The following FKBP5 variants were observed in gnomAD, a reference collection of about 807,000 sequenced individuals.
FKBP5 encodes FKBP prolyl isomerase 5.
Under a neutral mutation model 50.5 loss-of-function variants are expected in FKBP5, and 23 were observed. That is an observed-to-expected ratio of 0.46 (90% CI 0.33 to 0.65). The LOEUF (loss-of-function observed/expected upper bound fraction) is 0.65. FKBP5 is among the 30% of genes least tolerant of loss of function. The pLI, the probability that FKBP5 is intolerant of heterozygous loss-of-function variation, is 0.02. For missense variants in FKBP5, 411 were observed against 553.1 expected, an observed-to-expected ratio of 0.74 and a Z score of 2.58; for synonymous variants, 176 against 190.6, an observed-to-expected ratio of 0.92 and a Z score of 0.63.
intron 1 of FKBP5, among the ~76,000 whole-genome samples, chr6:35,664,299 T>A (rs1765156063): frequency 6.6e-6 from 1 of 152,102 alleles, no homozygotes. Context: ...GTTTTTTTTT[T>A]AGACCCACAG....
Position 35,591,186 on chromosome 6 carries a change from C to G in FKBP5, c.700G>C (p.Gly234Arg). 1 of 1,612,682 alleles carries G rather than the reference C, an allele frequency of 6.2e-7. No homozygotes were observed. Among genetic ancestry groups the G allele is most frequent in the African/African-American group, 1.3e-5 (1 of 74,954 alleles). Residue 234 changes from glycine (G) to arginine (R), a missense_variant, in exon 7 of 11, where the codon GGC (glycine) becomes CGC (arginine). By Grantham distance (125) the Gly-to-Arg change is moderately radical. Transcript: ENST00000357266. ...ATAAGCTCAGCATTAGGTTCAATGC[C>G]AAATTTAGGCTTCCCTGCCTCTCCA... ...GFGEAGKPKF[G>R]IEPNAELIYE...
intron 1 of FKBP5, among the ~76,000 whole-genome samples, chr6:35,672,653 C>T (rs905133679): frequency 6.6e-6 from 1 of 151,710 alleles, no homozygotes; most frequent in South Asian, 2.1e-4. Flanking sequence ...TGGCTGGAGG[C>T]GGTGGCTCAC....
chr6:35,616,309 C>A (rs1763655495), intron 5 of FKBP5, among the ~76,000 whole-genome samples: 1 of 102,968 alleles, frequency 9.7e-6, no homozygotes, highest in Non-Finnish European at 1.9e-5. Context: ...AGCAAGACTC[C>A]ATCTCAAAAA....
In FKBP5 at chr6:35,642,787, CT is replaced by C. The variant is rs770064167; in HGVS notation, c.37del (p.Ser13AlafsTer22). Reference protein sequence around the residue: ...TDEGAKNNEESPTATVAEQGE... With the variant: ...TDEGAKNNEEXPTATVAEQGE... ...CTGCTCAGCAACAGTGGCTGTGGGG[CT>C]TTCTTCATTGTTCTTGGCACCTTCA... On this transcript the variant is annotated frameshift_variant, in exon 2 of 11. Transcript: ENST00000357266. LOFTEE classifies it high-confidence loss of function. 6.2e-7 allele frequency: 1 copy of C among 1,613,978 alleles called. No individual in the cohort carries two copies. Among genetic ancestry groups the C allele is most frequent in the South Asian group, 1.1e-5 (1 of 91,064 alleles).
intron 5 of FKBP5, among the ~76,000 whole-genome samples, chr6:35,618,209 C>T (rs1392937187): frequency 6.6e-6 from 1 of 152,082 alleles, no homozygotes; most frequent in Non-Finnish European, 1.5e-5. Flanking sequence ...TATCAGGCAA[C>T]TAATATAGTT....
chr6:35,579,465 C>T (rs1020922625), intron 9 of FKBP5, among the ~76,000 whole-genome samples: 7 of 152,002 alleles, frequency 4.6e-5, no homozygotes, highest in Non-Finnish European at 7.4e-5. Context: ...CGATACATAA[C>T]GATACAGATG....
chr6:35,595,349 T>C (rs901846589), intron 6 of FKBP5, among the ~76,000 whole-genome samples: 2 of 152,218 alleles, frequency 1.3e-5, no homozygotes, highest in Non-Finnish European at 2.9e-5. Context: ...TCATAATACA[T>C]ACAGAATTTA....
chr6:35,702,662 C>A (rs1464807163), intron 2 of FKBP5, among the ~76,000 whole-genome samples: 1 of 151,864 alleles, frequency 6.6e-6, no homozygotes, highest in Non-Finnish European at 1.5e-5. Flanking sequence ...CCGTGTTAGC[C>A]AGGATGGTCT....
At chr6:35,671,263 CAA>C (rs760437984) in intron 1 of FKBP5, among the ~76,000 whole-genome samples, 54 of 128,996 alleles carry the variant, frequency 4.2e-4, no homozygotes, top group African/African-American at 1.5e-3. Context: ...AATCCTGTCT[CAA>C]AAAAAAAAAA....
chr6:35,684,716 A>G (rs1037451328), intron 1 of FKBP5, among the ~76,000 whole-genome samples: 5 of 152,108 alleles, frequency 3.3e-5, no homozygotes, highest in African/African-American at 4.8e-5. Context: ...ACTTTCATTA[A>G]CCAAATGTTT....
Position 35,663,048 on chromosome 6 carries a change from C to T in FKBP5, c.-19-20205G>A, listed in dbSNP as rs368195096. The stretch of plus-strand genomic sequence containing the variant: ...ATACTTTCAACCGGCAAGGGTGTGG[C>T]AAGAGTAAAATCAAGGCTGGTAAAA... On this transcript the variant is annotated intron_variant, in intron 1 of 10. Transcript: ENST00000357266. Among the ~76,000 whole-genome samples the T allele has an allele frequency of 3.9e-5, 6 of 152,212 alleles. No homozygotes were observed. In the South Asian group the frequency reaches 1.2e-3, roughly 32 times the overall value.
intron 9 of FKBP5, among the ~76,000 whole-genome samples, chr6:35,578,974 G>GT (rs1561841247): frequency 5.9e-5 from 9 of 151,530 alleles, no homozygotes; most frequent in Non-Finnish European, 1.0e-4. Context: ...AAATTAGCAG[G>GT]GTGTGGTGGC....
Position 35,637,205 on chromosome 6 carries a change from G to A in FKBP5, c.106-47C>T, listed in dbSNP as rs200988382. The A allele has an allele frequency of 1.3e-5, 21 of 1,557,566 alleles. 1 individual carries two copies. The highest frequency in any genetic ancestry group is 1.7e-4 in the Middle Eastern group (1 of 5,932). ...AAAAAGGAGGTCAAACTTTTTACTT[G>A]TAATCAGAGAATAAAAAGGTCACAC... On this transcript the variant is annotated intron_variant, in intron 2 of 10. Coordinates refer to ENST00000357266, the MANE Select transcript of FKBP5 (RefSeq NM_004117.4).
chr6:35,596,185 T>C (rs1023757471), intron 6 of FKBP5, among the ~76,000 whole-genome samples: 1 of 152,016 alleles, frequency 6.6e-6, no homozygotes, highest in Non-Finnish European at 1.5e-5. Context: ...TGAAACCTCG[T>C]CTCTACTAGA....
At chr6:35,626,764 C>G (rs947023133) in intron 3 of FKBP5, among the ~76,000 whole-genome samples, 1 of 152,172 alleles carries the variant, frequency 6.6e-6, no homozygotes, top group African/African-American at 2.4e-5. Flanking sequence ...GATTACTTCA[C>G]TTAGTATAAT....
At position 35,587,865 on chromosome 6, in the gene FKBP5, G is replaced by A. The variant is rs181677830; in HGVS notation, c.757-748C>T. Among the ~76,000 whole-genome samples the A allele has an allele frequency of 3.3e-5, 5 of 152,238 alleles. No individual in the cohort carries two copies. The East Asian group carries it at 9.6e-4, about 29-fold the overall frequency. ...GACCAGAGTCAAGAGAACAATCTGG[G>A]AGCCTTTAGGAAAAGTGACAGTGGG... On this transcript the variant is annotated intron_variant, in intron 7 of 10. Coordinates refer to ENST00000357266, the MANE Select transcript of FKBP5 (RefSeq NM_004117.4).
At chr6:35,716,091 G>C (rs1372701978) in intron 2 of FKBP5, among the ~76,000 whole-genome samples, 1 of 152,200 alleles carries the variant, frequency 6.6e-6, no homozygotes, top group Admixed American at 6.5e-5. Flanking sequence ...AGGGGAGACA[G>C]GTGGGGGCAA....
At chr6:35,657,701 C>G (rs1199959325) in intron 1 of FKBP5, among the ~76,000 whole-genome samples, 1 of 152,086 alleles carries the variant, frequency 6.6e-6, no homozygotes, top group African/African-American at 2.4e-5. Flanking sequence ...CCACCGATAC[C>G]TAATCATCCA....
chr6:35,637,380 G>A (rs1031710095), intron 2 of FKBP5, among the ~76,000 whole-genome samples: 5 of 150,672 alleles, frequency 3.3e-5, no homozygotes, highest in South Asian at 4.2e-4. Flanking sequence ...ATTGCTAATC[G>A]CACTATTTAT....
Sources: allele counts gnomAD v4.1 joint callset (sites outside exome capture counted in the v4.1 genomes callset), GRCh38; gene constraint gnomAD v4.1.1; transcripts MANE v1.5; gene names NCBI Gene and HGNC (gene_info 2026-07-23, HGNC 2026-07-21).